Variants in AP3B1 observed in about 807,000 individuals in gnomAD.
AP3B1 encodes the protein adaptor related protein complex 3 subunit beta 1.
In AP3B1, 61 loss-of-function variants were observed where a neutral mutation model predicts 132.5. The ratio of observed to expected loss-of-function variants is 0.46; its 90% CI spans 0.37 to 0.57. The LOEUF (loss-of-function observed/expected upper bound fraction) is 0.57, where lower values mean the gene tolerates loss of function less well. Ranked by LOEUF, AP3B1 falls within the 20% of genes least tolerant of loss-of-function variation. The pLI, the probability that AP3B1 is intolerant of heterozygous loss-of-function variation, is 0.00. For missense variants in AP3B1, 1,120 were observed against 1,289.4 expected (o/e 0.87, Z 2.01); for synonymous variants, 388 against 438.3 (o/e 0.89, Z 1.43).
At chr5:78,129,037 T>G in intron 16 of AP3B1, 84 bp downstream of exon 16, 1 of 1,139,778 alleles carries the variant, frequency 8.8e-7, no homozygotes, top group Non-Finnish European at 1.3e-6. Context: ...TCCTAAGAGA[T>G]AAATTTTAAG....
intron 15 of AP3B1, among the ~76,000 whole-genome samples, chr5:78,139,464 C>T (rs896017441): frequency 1.2e-4 from 18 of 152,134 alleles, no homozygotes; most frequent in Admixed American, 7.9e-4. Flanking sequence ...AAGAAATCTA[C>T]AGACACTTGG....
chr5:78,159,174 C>A (rs1448256421), intron 13 of AP3B1, among the ~76,000 whole-genome samples: 1 of 152,044 alleles, frequency 6.6e-6, no homozygotes, highest in African/African-American at 2.4e-5. Flanking sequence ...CATAGTATAA[C>A]AAATTTATAT....
chr5:78,022,873 G>A (rs926066793), intron 24 of AP3B1, among the ~76,000 whole-genome samples: 4 of 152,144 alleles, frequency 2.6e-5, no homozygotes, highest in Non-Finnish European at 5.9e-5. Flanking sequence ...TTAAGAGACA[G>A]CTTCTGTTAT....
chr5:78,191,954 G>A (rs1446570253), intron 7 of AP3B1, among the ~76,000 whole-genome samples: 1 of 152,134 alleles, frequency 6.6e-6, no homozygotes. Context: ...TCCGCCTCCT[G>A]GGTTCAAGCA....
chr5:78,221,360 A>C (rs1206144068), intron 6 of AP3B1, among the ~76,000 whole-genome samples: 2 of 152,208 alleles, frequency 1.3e-5, no homozygotes, highest in African/African-American at 4.8e-5. Context: ...AGAAATATAA[A>C]TGATGAAGCA....
intron 24 of AP3B1, among the ~76,000 whole-genome samples, chr5:78,024,630 T>C (rs1240903577): frequency 1.4e-5 from 2 of 146,308 alleles, no homozygotes; most frequent in African/African-American, 2.5e-5. Context: ...AGTGGTGCAA[T>C]CTCGGCTCAC....
At chr5:78,130,585 G>T (rs1441744796) in intron 15 of AP3B1, among the ~76,000 whole-genome samples, 1 of 152,036 alleles carries the variant, frequency 6.6e-6, no homozygotes, top group Non-Finnish European at 1.5e-5. Context: ...GCTAGACCAT[G>T]CTGGTTCAAG....
intron 22 of AP3B1, among the ~76,000 whole-genome samples, chr5:78,051,004 G>A (rs1047595769): frequency 1.3e-5 from 2 of 152,090 alleles, no homozygotes; most frequent in African/African-American, 4.8e-5. Flanking sequence ...AGTCGTTTGT[G>A]TACCTTTAGA....
intron 24 of AP3B1, among the ~76,000 whole-genome samples, chr5:78,022,250 A>T (rs1337461401): frequency 6.6e-6 from 1 of 152,254 alleles, no homozygotes; most frequent in East Asian, 1.9e-4. Context: ...AAGCCAAGTG[A>T]GATTGGCCCT....
chr5:78,006,472 C>A (rs1220133007), intron 26 of AP3B1, among the ~76,000 whole-genome samples: 5 of 152,112 alleles, frequency 3.3e-5, no homozygotes, highest in East Asian at 1.9e-4. Context: ...TCAAAGCGTG[C>A]GGACTTGATT....
At chr5:78,071,537 C>G (rs1247806526) in intron 22 of AP3B1, among the ~76,000 whole-genome samples, 1 of 152,150 alleles carries the variant, frequency 6.6e-6, no homozygotes, top group Admixed American at 6.6e-5. Flanking sequence ...ACCTGCACAT[C>G]TTGCACATGT....
intron 6 of AP3B1, among the ~76,000 whole-genome samples, chr5:78,218,566 A>G (rs1307562986): frequency 1.3e-5 from 2 of 152,128 alleles, no homozygotes; most frequent in East Asian, 3.8e-4. Flanking sequence ...CACCCCATCT[A>G]TGGAGTTCAT....
At chr5:78,080,516 G>GT (rs1239217497) in intron 22 of AP3B1, among the ~76,000 whole-genome samples, 5 of 126,838 alleles carry the variant, frequency 3.9e-5, no homozygotes, top group Non-Finnish European at 8.2e-5. Context: ...ATTCTTGCAT[G>GT]TTTTCATGTG....
intron 20 of AP3B1, among the ~76,000 whole-genome samples, chr5:78,101,831 A>G (rs780476798): frequency 6.6e-6 from 1 of 152,062 alleles, no homozygotes; most frequent in Non-Finnish European, 1.5e-5. Flanking sequence ...GTGCATTACA[A>G]ACAACTAAAG....
At chr5:78,171,223 T>C (rs1466429235) in intron 11 of AP3B1, among the ~76,000 whole-genome samples, 1 of 152,212 alleles carries the variant, frequency 6.6e-6, no homozygotes, top group Admixed American at 6.5e-5. Context: ...GTGAGCTTTT[T>C]TTTGGTTCCA....
At chr5:78,230,874 T>C (rs1176846070) in intron 3 of AP3B1, among the ~76,000 whole-genome samples, 1 of 152,090 alleles carries the variant, frequency 6.6e-6, no homozygotes, top group Non-Finnish European at 1.5e-5. Flanking sequence ...TCCCAGCACT[T>C]TGGGAGGCTG....
chr5:78,150,485 G>A (rs1753596296), intron 14 of AP3B1, among the ~76,000 whole-genome samples: 1 of 152,146 alleles, frequency 6.6e-6, no homozygotes, highest in Non-Finnish European at 1.5e-5. Context: ...GGAGTTTGAC[G>A]TAAAGGAATA....
chr5:78,025,716 T>A (rs1747314840), intron 24 of AP3B1, among the ~76,000 whole-genome samples: 1 of 152,222 alleles, frequency 6.6e-6, no homozygotes, highest in Non-Finnish European at 1.5e-5. Context: ...AAGACCTTAC[T>A]GTCCTGAAGA....
At chr5:78,084,534 AAAAAAAAAAAAAG>A (rs1344597213) in intron 22 of AP3B1, among the ~76,000 whole-genome samples, 25 of 136,440 alleles carry the variant, frequency 1.8e-4, no homozygotes, top group African/African-American at 6.0e-4. Flanking sequence ...AAAAAAAAAA[AAAAAAAAAAAAAG>A]AAAAGAAGAG....
Sources: gnomAD v4.1 joint callset for allele counts (sites outside exome capture counted in the v4.1 genomes callset) on GRCh38, gnomAD v4.1.1 for gene constraint, MANE v1.5 for transcripts, NCBI Gene and HGNC (gene_info 2026-07-23, HGNC 2026-07-21) for gene names.